KCNG3: variants seen among roughly 807,000 people sequenced by gnomAD.
KCNG3 encodes the protein voltage-gated potassium channel regulatory subunit KCNG3.
KCNG3 carries 15 observed loss-of-function variants against 29.0 expected under a neutral mutation model. The ratio of observed to expected loss-of-function variants is 0.52; its 90% CI spans 0.35 to 0.80. The LOEUF is 0.80. Among genes scored for constraint, KCNG3 ranks in the 30% least tolerant of loss-of-function variants. KCNG3 has a pLI of 0.01. For synonymous variants in KCNG3, 322 were observed against 248.9 expected (o/e 1.29, Z -2.76); for missense variants, 512 against 605.7 (o/e 0.85, Z 1.62).
chr2:42,416,322 A>C, the KCNG3 span, among the ~76,000 whole-genome samples: 1 of 152,324 alleles, frequency 6.6e-6, no homozygotes, highest in East Asian at 1.9e-4. Flanking sequence ...ATATTTCAAA[A>C]TAACTAGAAA....
the KCNG3 span, among the ~76,000 whole-genome samples, chr2:42,427,118 G>C: frequency 6.6e-6 from 1 of 152,092 alleles, no homozygotes; most frequent in East Asian, 1.9e-4. Flanking sequence ...CTTTGCATAA[G>C]GCTCTCCATA....
At chr2:42,428,458 G>GAAAAAAAAA in the KCNG3 span, among the ~76,000 whole-genome samples, 6 of 104,524 alleles carry the variant, frequency 5.7e-5, no homozygotes, top group Non-Finnish European at 7.6e-5. Flanking sequence ...CCCGGTCTCG[G>GAAAAAAAAA]GAAAAAAAAA....
chr2:42,397,421 G>A, the KCNG3 span, among the ~76,000 whole-genome samples: 1 of 152,120 alleles, frequency 6.6e-6, no homozygotes, highest in Non-Finnish European at 1.5e-5. Flanking sequence ...AAATAAGCAC[G>A]ATTACTTACA....
intron 1 of KCNG3, among the ~76,000 whole-genome samples, chr2:42,472,527 A>C (rs1341007116): frequency 6.7e-6 from 1 of 150,060 alleles, no homozygotes; most frequent in Non-Finnish European, 1.5e-5. Flanking sequence ...TGAGACAAGG[A>C]CTCACGCTGT....
At chr2:42,420,375 G>T in the KCNG3 span, among the ~76,000 whole-genome samples, 1 of 152,172 alleles carries the variant, frequency 6.6e-6, no homozygotes, top group Non-Finnish European at 1.5e-5. Context: ...CTGTAAGAGG[G>T]GGTTAATAAT....
At chr2:42,478,784 A>G (rs1172795329) in intron 1 of KCNG3, among the ~76,000 whole-genome samples, 1 of 152,138 alleles carries the variant, frequency 6.6e-6, no homozygotes, top group East Asian at 1.9e-4. Context: ...CTCAAGAGTT[A>G]CTGGGTAATA....
At chr2:42,436,750 C>A in the KCNG3 span, among the ~76,000 whole-genome samples, 1 of 152,166 alleles carries the variant, frequency 6.6e-6, no homozygotes, top group Admixed American at 6.5e-5. Flanking sequence ...TTTGTGAGGA[C>A]CATAAAAACC....
At chr2:42,456,498 A>G (rs1672876426) in intron 1 of KCNG3, among the ~76,000 whole-genome samples, 1 of 152,176 alleles carries the variant, frequency 6.6e-6, no homozygotes, top group Non-Finnish European at 1.5e-5. Flanking sequence ...CCTAAGCAAG[A>G]GTGAGACCAG....
chr2:42,401,934 T>G, the KCNG3 span, among the ~76,000 whole-genome samples: 1 of 152,116 alleles, frequency 6.6e-6, no homozygotes, highest in East Asian at 1.9e-4. Flanking sequence ...AGAGAAATAC[T>G]GTGATGGTTA....
At chr2:42,409,729 ATTT>A in the KCNG3 span, among the ~76,000 whole-genome samples, 18 of 76,378 alleles carry the variant, frequency 2.4e-4, no homozygotes, top group African/African-American at 5.0e-4. Context: ...AAAAAAAAAA[ATTT>A]TTTTTTAAAT....
the KCNG3 span, among the ~76,000 whole-genome samples, chr2:42,403,062 T>C: frequency 6.6e-6 from 1 of 152,232 alleles, no homozygotes; most frequent in Non-Finnish European, 1.5e-5. Context: ...TTTTTATAGG[T>C]TTTAAAATGG....
At chr2:42,474,201 C>T (rs941950189) in intron 1 of KCNG3, among the ~76,000 whole-genome samples, 3 of 150,810 alleles carry the variant, frequency 2.0e-5, no homozygotes, top group Admixed American at 1.3e-4. Context: ...TTGCTCTGGG[C>T]GACAGAGCAA....
At chr2:42,486,322 G>T (rs550856771) in intron 1 of KCNG3, among the ~76,000 whole-genome samples, 1 of 152,170 alleles carries the variant, frequency 6.6e-6, no homozygotes, top group Non-Finnish European at 1.5e-5. Context: ...ACGTCTCACC[G>T]TCTCCACTGC....
chr2:42,407,726 C>G, the KCNG3 span, among the ~76,000 whole-genome samples: 2 of 151,960 alleles, frequency 1.3e-5, no homozygotes, highest in Admixed American at 1.3e-4. Flanking sequence ...GCCCTGCCCT[C>G]CCTGGTGCAG....
the KCNG3 span, among the ~76,000 whole-genome samples, chr2:42,428,471 A>G: frequency 2.7e-5 from 4 of 148,812 alleles, no homozygotes; most frequent in African/African-American, 1.0e-4. Context: ...AAAAAAAAAA[A>G]AAAAAAAGAA....
At chr2:42,422,116 C>T in the KCNG3 span, among the ~76,000 whole-genome samples, 6 of 152,112 alleles carry the variant, frequency 3.9e-5, 1 homozygote, top group South Asian at 6.2e-4. Context: ...GTGGTAAAAC[C>T]GACAGTATCA....
At chr2:42,441,849 G>T (rs1322421635), downstream of KCNG3, among the ~76,000 whole-genome samples, 6 of 33,240 alleles carry the variant, frequency 1.8e-4, no homozygotes, top group African/African-American at 5.3e-4. Context: ...TCTTCACACA[G>T]AAGTTTCTCC....
At chr2:42,480,452 T>C (rs1673553264) in intron 1 of KCNG3, among the ~76,000 whole-genome samples, 1 of 152,188 alleles carries the variant, frequency 6.6e-6, no homozygotes, top group Non-Finnish European at 1.5e-5. Flanking sequence ...GGCCAGATAG[T>C]AAATATTTTA....
chr2:42,418,168 T>C, the KCNG3 span, among the ~76,000 whole-genome samples: 14 of 152,140 alleles, frequency 9.2e-5, no homozygotes, highest in East Asian at 7.7e-4. Flanking sequence ...ATAGCCATCA[T>C]ACAATAATAA....
Sources: gnomAD v4.1 joint callset for allele counts (sites outside exome capture counted in the v4.1 genomes callset) on GRCh38, gnomAD v4.1.1 for gene constraint, MANE v1.5 for transcripts, NCBI Gene and HGNC (gene_info 2026-07-23, HGNC 2026-07-21) for gene names.